Variants in BICC1 observed in about 807,000 individuals in gnomAD.
BICC1 encodes BicC family RNA binding protein 1.
A neutral mutation model predicts 111.0 loss-of-function variants in BICC1; 43 were observed. The ratio of observed to expected loss-of-function variants is 0.39; its 90% CI spans 0.30 to 0.50. The LOEUF is 0.50. Ranked by LOEUF, BICC1 falls within the 20% of genes least tolerant of loss-of-function variation. The pLI, the probability that BICC1 is intolerant of heterozygous loss-of-function variation, is 0.88. For synonymous variants in BICC1, 467 were observed against 434.4 expected (o/e 1.07, Z -0.93); for missense variants, 1,091 against 1,203.2 (o/e 0.91, Z 1.38).
At chr10:58,722,856 G>A (rs1231191382) in intron 3 of BICC1, among the ~76,000 whole-genome samples, 1 of 152,182 alleles carries the variant, frequency 6.6e-6, no homozygotes, top group Non-Finnish European at 1.5e-5. Context: ...TCTAGACTGA[G>A]GAAGTGTAGA....
At chr10:58,699,465 G>T (rs977057221) in intron 2 of BICC1, among the ~76,000 whole-genome samples, 4 of 152,166 alleles carry the variant, frequency 2.6e-5, no homozygotes, top group African/African-American at 9.7e-5. Flanking sequence ...TACATGCAGG[G>T]TTATTTCTGG....
chr10:58,817,495 A>T, intron 18 of BICC1, 67 bp from the exon 19 acceptor site: 1 of 1,567,346 alleles, frequency 6.4e-7, no homozygotes, highest in African/African-American at 1.4e-5. Flanking sequence ...GGTGATTAAA[A>T]CTTTTAATTA....
chr10:58,787,152 C>CT (rs1306666878), intron 5 of BICC1, 71 bp downstream of exon 5: 49 of 1,372,680 alleles, frequency 3.6e-5, no homozygotes, highest in South Asian at 6.4e-5. Context: ...GTTTGCCTAT[C>CT]TTTTTTTTCT....
intron 3 of BICC1, among the ~76,000 whole-genome samples, chr10:58,769,939 G>A (rs758200647): frequency 1.5e-4 from 23 of 152,164 alleles, no homozygotes; most frequent in East Asian, 3.9e-4. Context: ...TTTGAAAAGC[G>A]TAAAAGTAGT....
intron 3 of BICC1, among the ~76,000 whole-genome samples, chr10:58,719,749 G>A (rs1029644859): frequency 6.6e-6 from 1 of 152,138 alleles, no homozygotes; most frequent in African/African-American, 2.4e-5. Context: ...TAAATTATGA[G>A]TTAAAGTTTA....
At chr10:58,774,697 T>C (rs1842703757) in intron 3 of BICC1, among the ~76,000 whole-genome samples, 2 of 152,216 alleles carry the variant, frequency 1.3e-5, no homozygotes, top group African/African-American at 2.4e-5. Flanking sequence ...CCAGATTTTC[T>C]CCACTGGTTT....
intron 3 of BICC1, among the ~76,000 whole-genome samples, chr10:58,720,075 C>T (rs1840891961): frequency 1.3e-5 from 2 of 152,196 alleles, no homozygotes; most frequent in Admixed American, 6.5e-5. Flanking sequence ...CTTTAATCCT[C>T]TGCTTTCTAG....
intron 1 of BICC1, among the ~76,000 whole-genome samples, chr10:58,520,708 G>GT (rs1291575241): frequency 2.0e-5 from 3 of 152,136 alleles, no homozygotes; most frequent in Admixed American, 1.3e-4. Context: ...AGCCATTGCT[G>GT]TTTTTTCCCC....
At chr10:58,593,917 C>T (rs1844721457) in intron 1 of BICC1, among the ~76,000 whole-genome samples, 1 of 151,942 alleles carries the variant, frequency 6.6e-6, no homozygotes, top group Non-Finnish European at 1.5e-5. Context: ...TGGGTAGTAA[C>T]AGACTCCTCC....
chr10:58,693,703 G>A (rs1214767377), intron 2 of BICC1, among the ~76,000 whole-genome samples: 2 of 151,966 alleles, frequency 1.3e-5, no homozygotes, highest in Non-Finnish European at 2.9e-5. Flanking sequence ...CTTTTTGATG[G>A]GGTTGTTTGT....
intron 20 of BICC1, among the ~76,000 whole-genome samples, chr10:58,826,338 G>T (rs142906301): frequency 6.6e-6 from 1 of 152,202 alleles, no homozygotes; most frequent in African/African-American, 2.4e-5. Context: ...TACCACATGA[G>T]TTCCCAGACA....
chr10:58,799,105 A>G lies in BICC1; in HGVS notation c.1578A>G (p.Thr526=), dbSNP rs1308582284. ...HLMIPSTAQA[T]LTNILLSGVP... ...TGATTCCATCTACTGCCCAAGCCAC[A>G]TTAACTAATATTTTGTTGTCTGGAG... Residue 526 remains threonine, a synonymous_variant, in exon 12 of 21, where the codon ACA becomes ACG. Transcript: ENST00000373886. 2 of 1,613,724 alleles carry G rather than the reference A, an allele frequency of 1.2e-6. No individual in the cohort carries two copies. The highest frequency in any genetic ancestry group is 8.5e-7 in the Non-Finnish European group (1 of 1,179,844).
At chr10:58,798,274 C>T (rs1843420827) in intron 10 of BICC1, 125 bp from the exon 11 acceptor site, 1 of 734,180 alleles carries the variant, frequency 1.4e-6, no homozygotes, top group African/African-American at 1.9e-5. Flanking sequence ...AATCTGTCAT[C>T]CATATTTTAT....
At chr10:58,800,536 T>G (rs1044625526) in intron 13 of BICC1, among the ~76,000 whole-genome samples, 1 of 152,182 alleles carries the variant, frequency 6.6e-6, no homozygotes, top group African/African-American at 2.4e-5. Context: ...AAATAATCAT[T>G]TCCCCATTAC....
chr10:58,734,173 TG>T (rs1378069541), intron 3 of BICC1, among the ~76,000 whole-genome samples: 3 of 152,208 alleles, frequency 2.0e-5, no homozygotes, highest in Admixed American at 6.5e-5. Flanking sequence ...CTTCACCTAG[TG>T]GAGGGTGAGC....
chr10:58,649,393 A>G (rs1245265581), intron 2 of BICC1, among the ~76,000 whole-genome samples: 8 of 152,180 alleles, frequency 5.3e-5, no homozygotes, highest in Admixed American at 5.2e-4. Flanking sequence ...TCTCTCTGAT[A>G]ACCCACCCAC....
intron 2 of BICC1, among the ~76,000 whole-genome samples, chr10:58,697,314 A>G (rs572860072): frequency 6.6e-6 from 1 of 152,352 alleles, no homozygotes; most frequent in Non-Finnish European, 1.5e-5. Context: ...GTCTCTGTCC[A>G]TAGTAGCATT....
chr10:58,649,570 G>A (rs1588971547), intron 2 of BICC1, among the ~76,000 whole-genome samples: 1 of 152,148 alleles, frequency 6.6e-6, no homozygotes, highest in Admixed American at 6.6e-5. Flanking sequence ...CAACTCCCAC[G>A]AGAGAGCTGC....
At chr10:58,816,115 C>T (rs2132950253) in intron 18 of BICC1, among the ~76,000 whole-genome samples, 1 of 151,750 alleles carries the variant, frequency 6.6e-6, no homozygotes, top group South Asian at 2.1e-4. Context: ...CTTTTACTCT[C>T]GAAAAAAAAA....
Sources: allele counts gnomAD v4.1 joint callset (sites outside exome capture counted in the v4.1 genomes callset), GRCh38; gene constraint gnomAD v4.1.1; transcripts MANE v1.5; gene names NCBI Gene and HGNC (gene_info 2026-07-23, HGNC 2026-07-21).